SMAD2: variants seen among roughly 807,000 people sequenced by gnomAD.
SMAD2 encodes MAD homolog 2.
SMAD2 carries 8 observed loss-of-function variants against 64.4 expected under a neutral mutation model. The observed-to-expected ratio is 0.12, with a 90% confidence interval of 0.07 to 0.22. The LOEUF is 0.22. SMAD2 is among the 10% of genes least tolerant of loss of function. The pLI is 1.00. For synonymous variants in SMAD2, 203 were observed against 195.8 expected (o/e 1.04, Z -0.31); for missense variants, 289 against 561.2 (o/e 0.51, Z 4.90).
chr18:47,855,556 ATTT>A, intron 6 of SMAD2, among the ~76,000 whole-genome samples: 1 of 152,030 alleles, frequency 6.6e-6, no homozygotes, highest in Non-Finnish European at 1.5e-5. Flanking sequence ...TGTCTGAAAA[ATTT>A]TTTATTTCTC....
intron 1 of SMAD2, among the ~76,000 whole-genome samples, chr18:47,917,661 T>A (rs980150203): frequency 9.9e-5 from 15 of 152,176 alleles, no homozygotes; most frequent in South Asian, 4.1e-4. Flanking sequence ...GGTAAAAAAA[T>A]TTTTAATGGA....
At chr18:47,861,522 A>G (rs1053202779) in intron 6 of SMAD2, among the ~76,000 whole-genome samples, 19 of 152,194 alleles carry the variant, frequency 1.2e-4, no homozygotes, top group African/African-American at 4.3e-4. Context: ...ACAAAAACGT[A>G]TAACAGCACT....
chr18:47,860,473 G>C (rs1161865092), intron 6 of SMAD2, among the ~76,000 whole-genome samples: 2 of 151,868 alleles, frequency 1.3e-5, no homozygotes, highest in Admixed American at 6.6e-5. Context: ...TGTAGAGACG[G>C]GGTCTTGCTT....
rs59129117 is a variant in SMAD2 at position 47,837,561 on chromosome 18, CAAAAAAAAA to C, written c.*4257_*4265del. ...TGGGCAACAGAGCGAGACTCCCTCTCAAAAAAAAAAAAAAAAAACAAAAAACAAGGCTAA... is the reference window on the plus strand; with the variant it reads ...TGGGCAACAGAGCGAGACTCCCTCTCAAAAAAAAACAAAAAACAAGGCTAA... On this transcript the variant is annotated 3_prime_UTR_variant, in exon 11 of 11. Coordinates refer to ENST00000262160, the MANE Select transcript of SMAD2 (RefSeq NM_005901.6). The C allele has an allele frequency of 6.8e-6, 1 of 147,728 alleles. No individual in the cohort carries two copies. The highest frequency in any genetic ancestry group is 3.6e-5 in the African/African-American group (1 of 28,130). 9.2% of individuals were successfully genotyped at this position (147,728 alleles called of 1,614,324 possible).
chr18:47,929,216 T>A (rs377463336), intron 1 of SMAD2, among the ~76,000 whole-genome samples: 1 of 152,248 alleles, frequency 6.6e-6, no homozygotes, highest in African/African-American at 2.4e-5. Context: ...ATTTAACTAT[T>A]TGACTAACTT....
intron 1 of SMAD2, among the ~76,000 whole-genome samples, chr18:47,906,962 T>A (rs1486950832): frequency 6.6e-6 from 1 of 152,070 alleles, no homozygotes; most frequent in East Asian, 1.9e-4. Flanking sequence ...GATCCTTAAT[T>A]TAATCACATC....
At chr18:47,846,927 T>C (rs1914550712) in intron 8 of SMAD2, among the ~76,000 whole-genome samples, 1 of 152,190 alleles carries the variant, frequency 6.6e-6, no homozygotes, top group African/African-American at 2.4e-5. Flanking sequence ...CAGAACCTGG[T>C]ACGGTGGTTC....
At position 47,827,742 on chromosome 18, in the gene SMAD2, G is replaced by T; in HGVS notation, c.*14085C>A. The T allele has an allele frequency of 5.8e-6, 1 of 172,220 alleles. No individual in the cohort carries two copies. Among genetic ancestry groups the T allele is most frequent in the Non-Finnish European group, 1.2e-5 (1 of 83,094 alleles). The allele number at this position is 172,220 out of a possible 1,614,324, so 10.7% of individuals were successfully genotyped here. A position where few individuals can be genotyped will look rare whatever the true frequency, so the allele number is the denominator to read the frequency against. On this transcript the variant is annotated 3_prime_UTR_variant, in exon 11 of 11. Transcript: ENST00000262160. ...CATGATCTGCCCGCCTGGGCCTCCC[G>T]AGGTGCTGGGATTGCAGATGGAGTC...
Position 47,839,269 on chromosome 18 carries a change from G to A in SMAD2, c.*2558C>T, listed in dbSNP as rs537695584. Reference sequence around the variant, plus strand: ...AGTAGGCACTGCTTGACCTAACACAGTAATGCAAGAGTAACCACCAAGATC... The same window carrying A: ...AGTAGGCACTGCTTGACCTAACACAATAATGCAAGAGTAACCACCAAGATC... On this transcript the variant is annotated 3_prime_UTR_variant, in exon 11 of 11. Coordinates refer to ENST00000262160, the MANE Select transcript of SMAD2 (RefSeq NM_005901.6). The A allele has an allele frequency of 4.3e-6, 1 of 233,222 alleles. No homozygotes were observed. The highest frequency in any genetic ancestry group is 1.8e-4 in the South Asian group (1 of 5,504). The allele number at this position is 233,222 out of a possible 1,614,324, so 14.4% of individuals were successfully genotyped here.
chr18:47,852,944 C>A (rs1256972784), intron 6 of SMAD2, among the ~76,000 whole-genome samples: 68 of 152,182 alleles, frequency 4.5e-4, no homozygotes, highest in Non-Finnish European at 1.8e-4. Context: ...AATATATTTT[C>A]TTTTATGATC....
chr18:47,833,849 GCAA>G lies in SMAD2; in HGVS notation c.*7975_*7977del, dbSNP rs1913155907. 1 of 230,144 alleles carries G rather than the reference GCAA, an allele frequency of 4.3e-6. No individual in the cohort carries two copies. Among genetic ancestry groups the G allele is most frequent in the East Asian group, 6.1e-5 (1 of 16,306 alleles). 14.3% of individuals were successfully genotyped at this position (230,144 alleles called of 1,614,324 possible). A position where few individuals can be genotyped will look rare whatever the true frequency, so the allele number is the denominator to read the frequency against. On this transcript the variant is annotated 3_prime_UTR_variant, in exon 11 of 11. Transcript: ENST00000262160. ...TATTTCCTCACAAGAAAAGAAATCT[GCAA>G]CAATTGGTTTCCTTTTACTATGAAA...
chr18:47,921,943 A>C (rs2034578008), intron 1 of SMAD2, among the ~76,000 whole-genome samples: 1 of 152,258 alleles, frequency 6.6e-6, no homozygotes, highest in Non-Finnish European at 1.5e-5. Flanking sequence ...AGACAGTATA[A>C]ACAATAACAG....
At position 47,828,935 on chromosome 18, in the gene SMAD2, T is replaced by TAAAAAAAAA. The variant is rs747216495; in HGVS notation, c.*12883_*12891dup. On this transcript the variant is annotated 3_prime_UTR_variant, in exon 11 of 11. Transcript: ENST00000262160. The stretch of plus-strand genomic sequence containing the variant: ...ACACCCAAGAATGATCAATAAATAC[T>TAAAAAAAAA]AAAAAAAAAAAAAAAAAAAAAAAAA... 6.2e-5 allele frequency: 2 copies of TAAAAAAAAA among 32,486 alleles called. No individual in the cohort carries two copies. The highest frequency in any genetic ancestry group is 1.3e-4 in the African/African-American group (1 of 7,776). The allele number at this position is 32,486 out of a possible 1,614,324, so 2.0% of individuals were successfully genotyped here. A position where few individuals can be genotyped will look rare whatever the true frequency, so the allele number is the denominator to read the frequency against.
At chr18:47,842,753 T>C (rs954572148) in intron 10 of SMAD2, among the ~76,000 whole-genome samples, 1 of 152,162 alleles carries the variant, frequency 6.6e-6, no homozygotes, top group African/African-American at 2.4e-5. Context: ...AAAGCTGGAA[T>C]TCAACTTTCC....
intron 7 of SMAD2, among the ~76,000 whole-genome samples, chr18:47,850,467 ATATATATTATATAT>A (rs1241183457): frequency 1.3e-4 from 3 of 22,404 alleles, no homozygotes; most frequent in Admixed American, 1.2e-3. Flanking sequence ...ATTATACATA[ATATATATTATATAT>A]TATATATTAT....
chr18:47,849,679 A>T (rs2144304630), intron 7 of SMAD2, among the ~76,000 whole-genome samples: 1 of 152,196 alleles, frequency 6.6e-6, no homozygotes, highest in South Asian at 2.1e-4. Flanking sequence ...AATACCTAAT[A>T]ATATAAATGC....
rs896654559 is a variant in SMAD2, at chr18:47,829,153, C to A, written c.*12674G>T. On this transcript the variant is annotated 3_prime_UTR_variant, in exon 11 of 11. Coordinates refer to ENST00000262160, the MANE Select transcript of SMAD2 (RefSeq NM_005901.6). ...AGGAGGCTTCCTAGAGAAGACGTGG[C>A]AATGCACCTGATGGAGACGTTTAAT... 3 of 151,986 alleles carry A rather than the reference C, an allele frequency of 2.0e-5. No individual in the cohort carries two copies. The highest frequency in any genetic ancestry group is 7.2e-5 in the African/African-American group (3 of 41,388). 9.4% of individuals were successfully genotyped at this position (151,986 alleles called of 1,614,324 possible). A position where few individuals can be genotyped will look rare whatever the true frequency, so the allele number is the denominator to read the frequency against.
Position 47,833,066 on chromosome 18 carries a change from A to G in SMAD2, c.*8761T>C, listed in dbSNP as rs916371405. 3 of 183,012 alleles carry G rather than the reference A, an allele frequency of 1.6e-5. No homozygotes were observed. Among genetic ancestry groups the G allele is most frequent in the Non-Finnish European group, 3.5e-5 (3 of 85,758 alleles). The allele number at this position is 183,012 out of a possible 1,614,324, so 11.3% of individuals were successfully genotyped here. A position where few individuals can be genotyped will look rare whatever the true frequency, so the allele number is the denominator to read the frequency against. ...TAAAAAAAGATCAGTTTAAATAAAA[A>G]TTAAAACAATTAAAAATTAGTCCCA... On this transcript the variant is annotated 3_prime_UTR_variant, in exon 11 of 11. Coordinates refer to ENST00000262160, the MANE Select transcript of SMAD2 (RefSeq NM_005901.6).
chr18:47,820,947 T>C lies in SMAD2; in HGVS notation c.*20880A>G, dbSNP rs1481288596. 3 of 137,652 alleles carry C rather than the reference T, an allele frequency of 2.2e-5. No individual in the cohort carries two copies. The highest frequency in any genetic ancestry group is 9.1e-5 in the African/African-American group (3 of 33,022). The allele number at this position is 137,652 out of a possible 1,614,324, so 8.5% of individuals were successfully genotyped here. A position where few individuals can be genotyped will look rare whatever the true frequency, so the allele number is the denominator to read the frequency against. On this transcript the variant is annotated 3_prime_UTR_variant, in exon 11 of 11. Coordinates refer to ENST00000262160, the MANE Select transcript of SMAD2 (RefSeq NM_005901.6). ...CACACACACACACACACACAAAATTTGGTCCCCAATGTTAGAACAAGGTTC... is the reference window on the plus strand; with the variant it reads ...CACACACACACACACACACAAAATTCGGTCCCCAATGTTAGAACAAGGTTC...
Sources: gnomAD v4.1 joint callset for allele counts (sites outside exome capture counted in the v4.1 genomes callset) on GRCh38, gnomAD v4.1.1 for gene constraint, MANE v1.5 for transcripts, NCBI Gene and HGNC (gene_info 2026-07-23, HGNC 2026-07-21) for gene names.